Variants in YARS1 observed in about 807,000 individuals in gnomAD.
The protein encoded by YARS1 is tyrosyl-tRNA synthetase 1.
YARS1 carries 36 observed loss-of-function variants against 62.2 expected under a neutral mutation model. The observed-to-expected ratio is 0.58, with a 90% CI of 0.44 to 0.76. YARS1 has a LOEUF of 0.76. Among genes scored for constraint, YARS1 ranks in the 30% least tolerant of loss-of-function variants. YARS1 has a pLI of 0.00. For synonymous variants in YARS1, 234 were observed against 244.9 expected (o/e 0.96, Z 0.42); for missense variants, 524 against 639.8 (o/e 0.82, Z 1.95).
At chr1:32,811,165 G>A (rs913077132) in intron 1 of YARS1, 108 bp from the exon 2 acceptor site, 2 of 1,542,282 alleles carry the variant, frequency 1.3e-6, no homozygotes, top group Admixed American at 3.3e-5. Context: ...TCCAGGCTCA[G>A]AGCCATCAAG....
rs542665643 is a variant in YARS1, at chr1:32,784,807, C to G, written c.906+1555G>C. Among the ~76,000 whole-genome samples the G allele has an allele frequency of 2.0e-5, 3 of 152,264 alleles. No individual in the cohort carries two copies. The South Asian group carries it at 6.2e-4, about 32-fold the overall frequency. On this transcript the variant is annotated intron_variant, in intron 8 of 12. Transcript: ENST00000373477. ...TGCAGCCAATGAAATGTTTACAAGTCTGCCTCGCCTACTGGACTGAGCATT... is the reference window on the plus strand; with the variant it reads ...TGCAGCCAATGAAATGTTTACAAGTGTGCCTCGCCTACTGGACTGAGCATT...
intron 12 of YARS1, among the ~76,000 whole-genome samples, chr1:32,778,713 G>A (rs1408529213): frequency 6.7e-6 from 1 of 149,228 alleles, no homozygotes; most frequent in Non-Finnish European, 1.5e-5. Context: ...GGCCAATCCT[G>A]GCCTCATCAT....
intron 4 of YARS1, among the ~76,000 whole-genome samples, chr1:32,804,436 C>G (rs1224386761): frequency 6.6e-6 from 1 of 151,612 alleles, no homozygotes; most frequent in Non-Finnish European, 1.5e-5. Flanking sequence ...ACCTCCCGGA[C>G]GGGGCGGCTG....
At chr1:32,778,614 A>T (rs1165178237) in intron 12 of YARS1, among the ~76,000 whole-genome samples, 1 of 150,354 alleles carries the variant, frequency 6.7e-6, no homozygotes, top group Non-Finnish European at 1.5e-5. Context: ...TTACTGTGTT[A>T]GCCAGAATGC....
At position 32,776,272 on chromosome 1, in the gene YARS1, C is replaced by T. The variant is rs550002182; in HGVS notation, c.1477-181G>A. ...AAGCGATTCTCCTGCCTGAGCCTTCCGAGTAGCTGGGACTACAGGCATGCA... is the reference window on the plus strand; with the variant it reads ...AAGCGATTCTCCTGCCTGAGCCTTCTGAGTAGCTGGGACTACAGGCATGCA... On this transcript the variant is annotated intron_variant, in intron 12 of 12. Transcript: ENST00000373477. The surrounding 1 kb of genome is among the most constrained non-coding windows in gnomAD (Gnocchi z 4.0). Among the ~76,000 whole-genome samples, 46 of 152,156 alleles carry T rather than the reference C, an allele frequency of 3.0e-4. No individual in the cohort carries two copies. Among genetic ancestry groups the T allele is most frequent in the African/African-American group, 1.1e-3 (46 of 41,520 alleles).
At chr1:32,815,660 A>C (rs1425738999) in intron 1 of YARS1, among the ~76,000 whole-genome samples, 1 of 152,274 alleles carries the variant, frequency 6.6e-6, no homozygotes, top group African/African-American at 2.4e-5. Context: ...AAGTGCAAAA[A>C]GTCAGACACA....
chr1:32,792,439 A>G (rs1653438798), intron 5 of YARS1, among the ~76,000 whole-genome samples: 1 of 152,238 alleles, frequency 6.6e-6, no homozygotes, highest in South Asian at 2.1e-4. Flanking sequence ...TCTACAATGC[A>G]TCTATAATCC....
intron 12 of YARS1, among the ~76,000 whole-genome samples, chr1:32,778,722 A>ATTTCT (rs1311581474): frequency 3.2e-5 from 4 of 125,950 alleles, no homozygotes; most frequent in East Asian, 2.4e-4. Context: ...TGGCCTCATC[A>ATTTCT]TTTCTTTTCT....
rs1652825466 is a variant in YARS1 at position 32,775,546 on chromosome 1, C to T, written c.*435G>A. The T allele has an allele frequency of 1.7e-5, 3 of 176,556 alleles. No homozygotes were observed. Among genetic ancestry groups the T allele is most frequent in the Non-Finnish European group, 2.4e-5 (2 of 81,822 alleles). The allele number at this position is 176,556 out of a possible 1,614,324, so 10.9% of individuals were successfully genotyped here. ...TTTCCCTTCCCTTTCCTTTTCAAAT[C>T]CCACAGTTTCCTGTTGGGGAGAAGC... On this transcript the variant is annotated 3_prime_UTR_variant, in exon 13 of 13. Coordinates refer to ENST00000373477, the MANE Select transcript of YARS1 (RefSeq NM_003680.4).
In YARS1 at chr1:32,805,577, A is replaced by G. The variant is rs191173946; in HGVS notation, c.510+905T>C. ...TTCCCTATGGATTCACAACCTGGCTATTTGGTGCAAGAGGCCGAGCTTTCC... is the reference window on the plus strand; with the variant it reads ...TTCCCTATGGATTCACAACCTGGCTGTTTGGTGCAAGAGGCCGAGCTTTCC... On this transcript the variant is annotated intron_variant, in intron 4 of 12. Coordinates refer to ENST00000373477, the MANE Select transcript of YARS1 (RefSeq NM_003680.4). 3.9e-3 allele frequency among the ~76,000 whole-genome samples: 598 copies of G among 152,292 alleles called. 1 individual carries two copies. Among genetic ancestry groups the G allele is most frequent in the African/African-American group, 0.014 (569 of 41,560 alleles).
intron 5 of YARS1, among the ~76,000 whole-genome samples, chr1:32,796,552 A>G (rs1653589992): frequency 6.6e-6 from 1 of 151,752 alleles, no homozygotes; most frequent in African/African-American, 2.4e-5. Flanking sequence ...TTGTGGAGAC[A>G]GAGTCTTGCT....
intron 5 of YARS1, among the ~76,000 whole-genome samples, chr1:32,796,647 G>A (rs1201853442): frequency 6.7e-6 from 1 of 148,974 alleles, no homozygotes; most frequent in East Asian, 2.0e-4. Flanking sequence ...ACAGGCATGA[G>A]CCACAGTGCC....
intron 8 of YARS1, among the ~76,000 whole-genome samples, chr1:32,785,214 C>T (rs530010247): frequency 6.6e-5 from 10 of 152,282 alleles, no homozygotes; most frequent in African/African-American, 2.2e-4. Flanking sequence ...AATCCCAGCA[C>T]TCTGGGAGGC....
chr1:32,787,160 T>C, intron 6 of YARS1, 85 bp from the exon 7 acceptor site: 1 of 1,532,566 alleles, frequency 6.5e-7, no homozygotes, highest in East Asian at 2.4e-5. Flanking sequence ...TTGTTTTTTC[T>C]TCTCTGTCAC....
chr1:32,801,901 A>T (rs1423964330), intron 4 of YARS1, among the ~76,000 whole-genome samples: 1 of 149,610 alleles, frequency 6.7e-6, no homozygotes, highest in Non-Finnish European at 1.5e-5. Flanking sequence ...ATTCAGTCAC[A>T]TCTTCAGGCT....
intron 4 of YARS1, among the ~76,000 whole-genome samples, chr1:32,804,705 C>G (rs1638407079): frequency 6.6e-6 from 1 of 151,896 alleles, no homozygotes; most frequent in African/African-American, 2.4e-5. Context: ...CCTCACTTCC[C>G]AGACGTGATG....
At chr1:32,805,067 C>A (rs1034358556) in intron 4 of YARS1, among the ~76,000 whole-genome samples, 2 of 152,182 alleles carry the variant, frequency 1.3e-5, no homozygotes, top group African/African-American at 4.8e-5. Flanking sequence ...CCCGTCTCCA[C>A]CAAAAAATAC....
intron 8 of YARS1, among the ~76,000 whole-genome samples, chr1:32,784,167 G>A (rs547917231): frequency 1.1e-4 from 16 of 151,598 alleles, no homozygotes; most frequent in Non-Finnish European, 1.8e-4. Context: ...ATCATGGCTG[G>A]CCAGTATTTT....
At chr1:32,795,847 T>C (rs549345446) in intron 5 of YARS1, among the ~76,000 whole-genome samples, 1 of 151,356 alleles carries the variant, frequency 6.6e-6, no homozygotes, top group Admixed American at 6.6e-5. Context: ...GGGCCACATA[T>C]GCTCTTTACT....
Sources: allele counts gnomAD v4.1 joint callset (sites outside exome capture counted in the v4.1 genomes callset), GRCh38; gene constraint gnomAD v4.1.1; non-coding constraint Gnocchi (gnomAD v3.1); transcripts MANE v1.5; gene names NCBI Gene and HGNC (gene_info 2026-07-23, HGNC 2026-07-21).